Variants in MAP4K4 observed in about 807,000 individuals in gnomAD.
MAP4K4 encodes the protein HPK/GCK-like kinase HGK.
In MAP4K4, 38 loss-of-function variants were observed where a neutral mutation model predicts 189.6. The ratio of observed to expected loss-of-function variants is 0.20; its 90% CI spans 0.15 to 0.26. MAP4K4 has a LOEUF of 0.26. MAP4K4 is among the 10% of genes least tolerant of loss of function. MAP4K4 has a pLI of 1.00. For missense variants in MAP4K4, 1,054 were observed against 1,726.9 expected, an observed-to-expected ratio of 0.61 and a Z score of 6.91; for synonymous variants, 610 against 624.3, an observed-to-expected ratio of 0.98 and a Z score of 0.34.
At chr2:101,848,924 G>A (rs962643590) in intron 12 of MAP4K4, among the ~76,000 whole-genome samples, 3 of 152,114 alleles carry the variant, frequency 2.0e-5, no homozygotes, top group African/African-American at 7.2e-5. Context: ...GGTTCCAGGA[G>A]GAAAAGGGGA....
intron 7 of MAP4K4, among the ~76,000 whole-genome samples, chr2:101,832,454 A>G (rs1053062004): frequency 3.3e-5 from 5 of 152,232 alleles, no homozygotes; most frequent in African/African-American, 1.2e-4. Flanking sequence ...TGATATGCAA[A>G]ATGGAATTCA....
rs940813307 is a variant in MAP4K4, at chr2:101,891,345, C to T, written c.*96C>T. 2.1e-5 allele frequency: 21 copies of T among 997,726 alleles called. No homozygotes were observed. In the Admixed American group the frequency reaches 4.0e-4, roughly 19 times the overall value. The allele number at this position is 997,726 out of a possible 1,614,324, so 61.8% of individuals were successfully genotyped here. A position where few individuals can be genotyped will look rare whatever the true frequency, so the allele number is the denominator to read the frequency against. ...CTGGAGCTCGGAGCTGCACCGAGGG[C>T]AACCAGGACAGCTGTGTGTGCAGAC... On this transcript the variant is annotated 3_prime_UTR_variant, in exon 33 of 33. Transcript: ENST00000324219.
At chr2:101,760,503 A>AATATATATATATATAT (rs35922398) in intron 2 of MAP4K4, among the ~76,000 whole-genome samples, 1 of 133,158 alleles carries the variant, frequency 7.5e-6, no homozygotes, top group African/African-American at 2.9e-5. Flanking sequence ...AAAAAAACAA[A>AATATATATATATATAT]ATATATATAT....
At chr2:101,844,279 C>G (rs1430849006) in exon 12 of MAP4K4, 1 of 1,568,720 alleles carries the variant, frequency 6.4e-7, no homozygotes, top group South Asian at 1.2e-5. Flanking sequence ...GCGGATTGAG[C>G]AGCAGAAAGA....
chr2:101,850,199 T>A (rs2097237965), intron 12 of MAP4K4, among the ~76,000 whole-genome samples: 5 of 152,080 alleles, frequency 3.3e-5, no homozygotes. Context: ...CTGTCATTCC[T>A]ACAAAATCCC....
chr2:101,720,388 C>T (rs554833334), intron 2 of MAP4K4, among the ~76,000 whole-genome samples: 105 of 152,122 alleles, frequency 6.9e-4, no homozygotes, highest in African/African-American at 2.4e-3. Context: ...GTTGGCCAGG[C>T]TGGATTTGAA....
At chr2:101,801,302 A>G (rs1455597066) in intron 3 of MAP4K4, among the ~76,000 whole-genome samples, 1 of 152,190 alleles carries the variant, frequency 6.6e-6, no homozygotes, top group African/African-American at 2.4e-5. Context: ...TTATAGCACA[A>G]TGACAGGATC....
At chr2:101,718,553 C>T (rs1210428089) in intron 2 of MAP4K4, among the ~76,000 whole-genome samples, 9 of 88,018 alleles carry the variant, frequency 1.0e-4, no homozygotes, top group Non-Finnish European at 1.8e-4. Flanking sequence ...CCAGGGCTGA[C>T]AGTGGGAAGG....
chr2:101,789,998 A>C (rs567384562), intron 2 of MAP4K4, among the ~76,000 whole-genome samples: 16 of 152,272 alleles, frequency 1.1e-4, no homozygotes, highest in South Asian at 4.2e-4. Flanking sequence ...TATACACTTA[A>C]AAAAAATCCC....
chr2:101,743,293 G>T (rs1470864098), intron 2 of MAP4K4, among the ~76,000 whole-genome samples: 2 of 152,064 alleles, frequency 1.3e-5, no homozygotes, highest in African/African-American at 2.4e-5. Context: ...TTTTTGGGGG[G>T]TTTACATTTG....
At chr2:101,862,710 A>C (rs2097703597) in intron 16 of MAP4K4, among the ~76,000 whole-genome samples, 1 of 152,116 alleles carries the variant, frequency 6.6e-6, no homozygotes, top group Admixed American at 6.5e-5. Context: ...TTTAAAACTC[A>C]TTTTTGATTA....
At chr2:101,869,794 C>A in exon 22 of MAP4K4, 1 of 1,553,782 alleles carries the variant, frequency 6.4e-7, no homozygotes, top group Non-Finnish European at 8.7e-7. Flanking sequence ...GACACCAGAG[C>A]AGCGTCAGTC....
intron 2 of MAP4K4, among the ~76,000 whole-genome samples, chr2:101,709,146 T>C (rs1161498139): frequency 1.3e-5 from 2 of 152,152 alleles, no homozygotes; most frequent in African/African-American, 2.4e-5. Context: ...GCAGTTGAAG[T>C]TTTGTGTCCC....
At chr2:101,866,308 C>T in intron 18 of MAP4K4, 120 bp from the exon 19 acceptor site, 1 of 799,402 alleles carries the variant, frequency 1.3e-6, no homozygotes, top group Non-Finnish European at 1.9e-6. Context: ...TGTTTATAGA[C>T]TGTTTTTTGT....
At chr2:101,788,396 A>G (rs2092124582) in intron 2 of MAP4K4, among the ~76,000 whole-genome samples, 2 of 152,178 alleles carry the variant, frequency 1.3e-5, no homozygotes, top group Admixed American at 6.5e-5. Context: ...GCACCTGAAC[A>G]TGGGGTCGGA....
At chr2:101,832,795 C>T (rs1023132036) in intron 7 of MAP4K4, among the ~76,000 whole-genome samples, 5 of 151,888 alleles carry the variant, frequency 3.3e-5, no homozygotes, top group East Asian at 3.9e-4. Flanking sequence ...CACCCCCACC[C>T]GATGTTTTTG....
intron 2 of MAP4K4, among the ~76,000 whole-genome samples, chr2:101,736,891 T>C (rs1272890232): frequency 1.3e-5 from 2 of 152,200 alleles, no homozygotes; most frequent in Non-Finnish European, 2.9e-5. Context: ...GTTAAAGCCC[T>C]GGCAGCACAA....
chr2:101,755,662 CCCTCTGTTCCTCATCTG>C (rs1464317053), intron 2 of MAP4K4, among the ~76,000 whole-genome samples: 6 of 152,118 alleles, frequency 3.9e-5, no homozygotes, highest in African/African-American at 1.2e-4. Context: ...AATCCGCTCT[CCCTCTGTTCCTCATCTG>C]CCTCTTAAGT....
chr2:101,718,483 G>T (rs1269488529), intron 2 of MAP4K4, among the ~76,000 whole-genome samples: 5 of 150,472 alleles, frequency 3.3e-5, no homozygotes, highest in Admixed American at 3.3e-4. Flanking sequence ...CCAGGGTTTC[G>T]ACAGGTTTGG....
Sources: allele counts gnomAD v4.1 joint callset (sites outside exome capture counted in the v4.1 genomes callset), GRCh38; gene constraint gnomAD v4.1.1; transcripts MANE v1.5; gene names NCBI Gene and HGNC (gene_info 2026-07-23, HGNC 2026-07-21).